Variants in SLC7A5 observed in about 807,000 individuals in gnomAD.
SLC7A5 encodes the protein solute carrier family 7 member 5.
In SLC7A5, 23 loss-of-function variants were observed where a neutral mutation model predicts 50.2. That is an observed-to-expected ratio of 0.46 (90% confidence interval 0.33 to 0.65). The LOEUF is 0.65. SLC7A5 is among the 30% of genes least tolerant of loss of function. The pLI is 0.02. For synonymous variants in SLC7A5, 393 were observed against 330.6 expected (o/e 1.19, Z -2.05); for missense variants, 578 against 684.4 (o/e 0.84, Z 1.73).
rs2055253117 is a variant in SLC7A5 at position 87,852,732 on chromosome 16, T to C, written c.539-883A>G. ...TATAGGCACGCTGAGCCACTGTGTG[T>C]GTGTGCGTGTGTGTGTGTGTTTTGG... On this transcript the variant is annotated intron_variant, in intron 1 of 9. Coordinates refer to ENST00000261622, the MANE Select transcript of SLC7A5 (RefSeq NM_003486.7). The surrounding 1 kb of genome is among the most constrained non-coding windows in gnomAD (Gnocchi z 4.5). Among the ~76,000 whole-genome samples, 1 of 151,138 alleles carries C rather than the reference T, an allele frequency of 6.6e-6. No homozygotes were observed. The highest frequency in any genetic ancestry group is 1.5e-5 in the Non-Finnish European group (1 of 67,830).
chr16:87,851,184 T>G (rs1262806739), intron 2 of SLC7A5, among the ~76,000 whole-genome samples: 1 of 152,202 alleles, frequency 6.6e-6, no homozygotes, highest in Non-Finnish European at 1.5e-5. Context: ...CCACGTTTGT[T>G]TTGTTTTCCA....
intron 9 of SLC7A5, 88 bp downstream of exon 9, chr16:87,834,326 A>G: frequency 7.5e-7 from 1 of 1,329,244 alleles, no homozygotes; most frequent in East Asian, 2.5e-5. Flanking sequence ...GCTTCGCCCC[A>G]TGTGGGTGGA....
Position 87,860,341 on chromosome 16 carries a change from T to TACACACACACACAC in SLC7A5, c.539-8506_539-8493dup, listed in dbSNP as rs370835904. 1.2e-5 allele frequency among the ~76,000 whole-genome samples: 1 copy of TACACACACACACAC among 86,200 alleles called. No homozygotes were observed. The highest frequency in any genetic ancestry group is 5.0e-5 in the African/African-American group (1 of 19,908). 56.6% of individuals were successfully genotyped at this position (86,200 alleles called of 152,430 possible). A position where few individuals can be genotyped will look rare whatever the true frequency, so the allele number is the denominator to read the frequency against. On this transcript the variant is annotated intron_variant, in intron 1 of 9. Transcript: ENST00000261622. The surrounding 1 kb of genome is among the most constrained non-coding windows in gnomAD (Gnocchi z 4.8). ...AAAGCATCTCAAAAAAAAAAAAAAA[T>TACACACACACACAC]ACACACACACACACACACACACACA...
chr16:87,841,177 A>G lies in SLC7A5; in HGVS notation c.665-22T>C. The G allele has an allele frequency of 6.6e-7, 1 of 1,518,466 alleles. No homozygotes were observed. The highest frequency in any genetic ancestry group is 1.1e-5 in the South Asian group (1 of 89,224). The allele number at this position is 1,518,466 out of a possible 1,614,324, so 94.1% of individuals were successfully genotyped here. A position where few individuals can be genotyped will look rare whatever the true frequency, so the allele number is the denominator to read the frequency against. ...TCACCTGGCAGGGCCAAAGAAAGGAATGCTGGGTTAGAGAGCGCTGAACAG... is the reference window on the plus strand; with the variant it reads ...TCACCTGGCAGGGCCAAAGAAAGGAGTGCTGGGTTAGAGAGCGCTGAACAG... On this transcript the variant is annotated intron_variant, in intron 2 of 9. Coordinates refer to ENST00000261622, the MANE Select transcript of SLC7A5 (RefSeq NM_003486.7). The surrounding 1 kb of genome is among the most constrained non-coding windows in gnomAD (Gnocchi z 4.8).
chr16:87,841,954 C>T lies in SLC7A5; in HGVS notation c.665-799G>A, dbSNP rs961278628. The stretch of plus-strand genomic sequence containing the variant: ...ATGTCTTTTGGGGGAAGGGGTGTCT[C>T]CGGAAGGTCACGTGGCTGCTGGGAC... On this transcript the variant is annotated intron_variant, in intron 2 of 9. Transcript: ENST00000261622. This position sits in a 1 kb window ranked among gnomAD's most constrained non-coding sequence, Gnocchi z 4.8. Among the ~76,000 whole-genome samples the T allele has an allele frequency of 2.0e-5, 3 of 152,256 alleles. No homozygotes were observed. The highest frequency in any genetic ancestry group is 4.4e-5 in the Non-Finnish European group (3 of 68,044).
chr16:87,838,394 C>T (rs1209483952), intron 6 of SLC7A5, among the ~76,000 whole-genome samples: 1 of 149,854 alleles, frequency 6.7e-6, no homozygotes, highest in Non-Finnish European at 1.5e-5. Flanking sequence ...TGGTCTCAAG[C>T]AATCCTTCGA....
At position 87,832,900 on chromosome 16, in the gene SLC7A5, G is replaced by T; in HGVS notation, c.*70C>A. On this transcript the variant is annotated 3_prime_UTR_variant, in exon 10 of 10. Transcript: ENST00000261622. This position sits in a 1 kb window ranked among gnomAD's most constrained non-coding sequence, Gnocchi z 4.6. ...GCTGTGGGTTGCGGGGAACCGGAGT[G>T]GGTTCGAGGAGGTGATCTACTTTAA... 1 of 1,265,902 alleles carries T rather than the reference G, an allele frequency of 7.9e-7. No homozygotes were observed. Among genetic ancestry groups the T allele is most frequent in the Non-Finnish European group, 1.2e-6 (1 of 863,902 alleles). The allele number at this position is 1,265,902 out of a possible 1,614,324, so 78.4% of individuals were successfully genotyped here.
At position 87,853,740 on chromosome 16, in the gene SLC7A5, G is replaced by A. The variant is rs1336746639; in HGVS notation, c.539-1891C>T. Among the ~76,000 whole-genome samples, 1 of 152,260 alleles carries A rather than the reference G, an allele frequency of 6.6e-6. No homozygotes were observed. The highest frequency in any genetic ancestry group is 1.5e-5 in the Non-Finnish European group (1 of 68,042). On this transcript the variant is annotated intron_variant, in intron 1 of 9. Coordinates refer to ENST00000261622, the MANE Select transcript of SLC7A5 (RefSeq NM_003486.7). The surrounding 1 kb of genome is among the most constrained non-coding windows in gnomAD (Gnocchi z 4.4). ...TTTCTGGATTCGCAAGAGGCCGGCTGATTGCATCACTCGCTCATTCATGCC... is the reference window on the plus strand; with the variant it reads ...TTTCTGGATTCGCAAGAGGCCGGCTAATTGCATCACTCGCTCATTCATGCC...
At chr16:87,834,856 C>A (rs56207802) in intron 8 of SLC7A5, among the ~76,000 whole-genome samples, 1 of 152,204 alleles carries the variant, frequency 6.6e-6, no homozygotes, top group Non-Finnish European at 1.5e-5. Flanking sequence ...AGGCCTCCCA[C>A]GGGCAGGGAA....
rs527698481 is a variant in SLC7A5, at chr16:87,833,893, G to A, written c.1468+521C>T. 7.4e-4 allele frequency among the ~76,000 whole-genome samples: 110 copies of A among 148,898 alleles called. 1 individual carries two copies. The highest frequency in any genetic ancestry group is 2.5e-3 in the African/African-American group (100 of 40,172). ...TTTTTGAGAAGAGTCTCGCTCTGTC[G>A]CCCAGGCTGGAGTGCAATGGTGCGA... On this transcript the variant is annotated intron_variant, in intron 9 of 9. Transcript: ENST00000261622. The surrounding 1 kb of genome is among the most constrained non-coding windows in gnomAD (Gnocchi z 6.0).
chr16:87,834,981 C>T (rs2054980308), intron 8 of SLC7A5, among the ~76,000 whole-genome samples: 1 of 152,270 alleles, frequency 6.6e-6, no homozygotes, highest in Non-Finnish European at 1.5e-5. Flanking sequence ...GGAGACCACC[C>T]TCTTGGAGAC....
intron 8 of SLC7A5, among the ~76,000 whole-genome samples, chr16:87,835,634 C>T (rs1370539227): frequency 6.6e-5 from 10 of 152,212 alleles, no homozygotes; most frequent in Admixed American, 5.9e-4. Flanking sequence ...CCACCACGCC[C>T]AGCTAATTTT....
intron 1 of SLC7A5, among the ~76,000 whole-genome samples, chr16:87,855,670 T>C (rs1056379670): frequency 3.3e-5 from 5 of 151,856 alleles, no homozygotes; most frequent in African/African-American, 1.2e-4. Context: ...CAGCTCCTGA[T>C]AAAATCCCGC....
In SLC7A5 at chr16:87,848,545, C is replaced by A. The variant is rs754565276; in HGVS notation, c.664+3179G>T. 3.3e-5 allele frequency among the ~76,000 whole-genome samples: 5 copies of A among 152,204 alleles called. 1 individual carries two copies. The highest frequency in any genetic ancestry group is 7.3e-5 in the Non-Finnish European group (5 of 68,028). ...GAACCTCATGTGACACCTAAGCCTGCGTGTCCCCATGCCCCAGCCTAGGGG... is the reference window on the plus strand; with the variant it reads ...GAACCTCATGTGACACCTAAGCCTGAGTGTCCCCATGCCCCAGCCTAGGGG... On this transcript the variant is annotated intron_variant, in intron 2 of 9. Transcript: ENST00000261622.
chr16:87,842,137 C>G (rs576564515), intron 2 of SLC7A5, among the ~76,000 whole-genome samples: 3 of 152,320 alleles, frequency 2.0e-5, no homozygotes, highest in African/African-American at 7.2e-5. Flanking sequence ...ACAAAGGAGC[C>G]GGGTCCCCTC....
chr16:87,840,524 TA>T, intron 3 of SLC7A5, 51 bp from the exon 4 acceptor site: 2 of 1,468,990 alleles, frequency 1.4e-6, no homozygotes. Flanking sequence ...TCAGGGAAAA[TA>T]AATCACCGGG....
intron 2 of SLC7A5, 60 bp downstream of exon 2, chr16:87,851,664 T>G: frequency 6.3e-7 from 1 of 1,590,724 alleles, no homozygotes; most frequent in Non-Finnish European, 8.6e-7. Context: ...TCATGCCCTG[T>G]GAAGGACACA....
intron 4 of SLC7A5, among the ~76,000 whole-genome samples, chr16:87,840,171 C>T (rs140931372): frequency 3.7e-3 from 564 of 152,344 alleles, no homozygotes; most frequent in Middle Eastern, 0.027. Context: ...GGACCAGAGC[C>T]GAGAGCCCAG....
chr16:87,853,343 A>ATGCCAGAGCGGAGAC lies in SLC7A5; in HGVS notation c.539-1509_539-1495dup, dbSNP rs2055263289. On this transcript the variant is annotated intron_variant, in intron 1 of 9. Coordinates refer to ENST00000261622, the MANE Select transcript of SLC7A5 (RefSeq NM_003486.7). This position sits in a 1 kb window ranked among gnomAD's most constrained non-coding sequence, Gnocchi z 4.4. ...TAACCACCCCGCTACAATTCTGTGGATGCCAGAGCGGAGACGGCTACTACA... is the reference window on the plus strand; with the variant it reads ...TAACCACCCCGCTACAATTCTGTGGATGCCAGAGCGGAGACTGCCAGAGCGGAGACGGCTACTACA... Among the ~76,000 whole-genome samples, 2 of 152,262 alleles carry ATGCCAGAGCGGAGAC rather than the reference A, an allele frequency of 1.3e-5. No individual in the cohort carries two copies. The highest frequency in any genetic ancestry group is 4.8e-5 in the African/African-American group (2 of 41,468).
Sources: allele counts gnomAD v4.1 joint callset (sites outside exome capture counted in the v4.1 genomes callset), GRCh38; gene constraint gnomAD v4.1.1; non-coding constraint Gnocchi (gnomAD v3.1); transcripts MANE v1.5; gene names NCBI Gene and HGNC (gene_info 2026-07-23, HGNC 2026-07-21).